RHBDD1: variants seen among roughly 807,000 people sequenced by gnomAD.
RHBDD1 encodes rhomboid-related protein 4.
In RHBDD1, 38 loss-of-function variants were observed where a neutral mutation model predicts 36.3. The observed-to-expected ratio is 1.05, with a 90% CI of 0.81 to 1.37. The LOEUF is 1.37. RHBDD1 is among the 40% of genes most tolerant of loss of function. The pLI, the probability that RHBDD1 is intolerant of heterozygous loss-of-function variation, is 0.00. For missense variants in RHBDD1, 393 were observed against 377.6 expected, an observed-to-expected ratio of 1.04 and a Z score of -0.34; for synonymous variants, 151 against 136.5, an observed-to-expected ratio of 1.11 and a Z score of -0.74.
chr2:226,857,112 T>C (rs990140297), intron 3 of RHBDD1, among the ~76,000 whole-genome samples: 1 of 152,102 alleles, frequency 6.6e-6, no homozygotes, highest in Non-Finnish European at 1.5e-5. Context: ...TGTGTGTGTG[T>C]GTGTTTGGGT....
At chr2:226,856,313 A>G (rs145175045) in intron 3 of RHBDD1, among the ~76,000 whole-genome samples, 236 of 152,282 alleles carry the variant, frequency 1.5e-3, no homozygotes, top group African/African-American at 5.3e-3. Flanking sequence ...CAGTTAATAA[A>G]TTCGTGTTTT....
chr2:226,963,643 C>T (rs1952395902), intron 8 of RHBDD1, among the ~76,000 whole-genome samples: 1 of 152,154 alleles, frequency 6.6e-6, no homozygotes, highest in Non-Finnish European at 1.5e-5. Flanking sequence ...CATGCCCTTG[C>T]TTCTCACCCT....
rs1959177896 is a variant in RHBDD1, at chr2:226,995,597, AT to A, written c.*79del. Reference sequence around the variant, plus strand: ...GGCTCATTCCCCAAGCCCCTAATTCATTTTAATTCATTTTAAACAAAAGCAG... The same window carrying A: ...GGCTCATTCCCCAAGCCCCTAATTCATTTAATTCATTTTAAACAAAAGCAG... On this transcript the variant is annotated 3_prime_UTR_variant, in exon 9 of 9. Transcript: ENST00000392062. 1.0e-6 allele frequency: 1 copy of A among 970,508 alleles called. No homozygotes were observed. The highest frequency in any genetic ancestry group is 2.1e-5 in the Admixed American group (1 of 48,220). 60.1% of individuals were successfully genotyped at this position (970,508 alleles called of 1,614,324 possible).
intron 5 of RHBDD1, 51 bp from the exon 6 acceptor site, chr2:226,906,740 GTC>G: frequency 6.2e-7 from 1 of 1,613,626 alleles, no homozygotes; most frequent in Non-Finnish European, 8.5e-7. Context: ...AAGACAGAAT[GTC>G]TCTAATCAGC....
At chr2:226,907,706 G>T (rs1948166840) in intron 6 of RHBDD1, among the ~76,000 whole-genome samples, 1 of 152,118 alleles carries the variant, frequency 6.6e-6, no homozygotes, top group South Asian at 2.1e-4. Flanking sequence ...CACTGCACTG[G>T]CACCTTTATT....
At chr2:226,896,811 A>T (rs567377801) in intron 5 of RHBDD1, among the ~76,000 whole-genome samples, 86 of 150,488 alleles carry the variant, frequency 5.7e-4, no homozygotes, top group African/African-American at 2.0e-3. Context: ...TATCTCAAAA[A>T]TTTTTTTTTT....
At chr2:226,930,291 T>G (rs1949944353) in intron 8 of RHBDD1, among the ~76,000 whole-genome samples, 1 of 152,112 alleles carries the variant, frequency 6.6e-6, no homozygotes. Context: ...AACAGCATGG[T>G]ACTGCTGTAA....
intron 8 of RHBDD1, among the ~76,000 whole-genome samples, chr2:226,941,389 C>A (rs945491984): frequency 1.3e-5 from 2 of 152,210 alleles, no homozygotes; most frequent in African/African-American, 4.8e-5. Context: ...TTCCTGCTGG[C>A]AGGGGCAAGT....
intron 3 of RHBDD1, among the ~76,000 whole-genome samples, chr2:226,858,278 C>A (rs1943524690): frequency 6.6e-6 from 1 of 152,138 alleles, no homozygotes; most frequent in Non-Finnish European, 1.5e-5. Flanking sequence ...ATTAATATAT[C>A]TCAATTATAT....
chr2:226,984,755 G>T (rs573582719), intron 8 of RHBDD1, among the ~76,000 whole-genome samples: 95 of 152,214 alleles, frequency 6.2e-4, no homozygotes, highest in African/African-American at 2.3e-3. Context: ...TATAAGCCCT[G>T]GTCTTGTACA....
chr2:226,981,289 G>A (rs968952199), intron 8 of RHBDD1, among the ~76,000 whole-genome samples: 6 of 152,034 alleles, frequency 3.9e-5, no homozygotes, highest in African/African-American at 7.2e-5. Flanking sequence ...TGGGTGCAGC[G>A]GGCCAGCATG....
At chr2:226,819,989 T>G in the RHBDD1 span, among the ~76,000 whole-genome samples, 2 of 151,568 alleles carry the variant, frequency 1.3e-5, no homozygotes, top group African/African-American at 4.8e-5. Flanking sequence ...TTTTTTTTTT[T>G]TTTTTTTTCT....
At chr2:226,887,344 T>C (rs2125455469) in intron 5 of RHBDD1, among the ~76,000 whole-genome samples, 1 of 152,348 alleles carries the variant, frequency 6.6e-6, no homozygotes, top group South Asian at 2.1e-4. Context: ...TTTCATTCAA[T>C]GAGTTCTTAC....
chr2:226,977,151 C>T (rs1299798476), intron 8 of RHBDD1, among the ~76,000 whole-genome samples: 2 of 152,180 alleles, frequency 1.3e-5, no homozygotes, highest in Non-Finnish European at 2.9e-5. Context: ...AAATGAGGAA[C>T]TTGAGGCCCA....
intron 8 of RHBDD1, among the ~76,000 whole-genome samples, chr2:226,941,578 G>C (rs756192914): frequency 6.6e-5 from 10 of 152,212 alleles, no homozygotes; most frequent in Non-Finnish European, 1.0e-4. Flanking sequence ...TAGTCCCAAG[G>C]TGGACCATGC....
intron 8 of RHBDD1, among the ~76,000 whole-genome samples, chr2:226,946,170 A>C (rs533163868): frequency 6.6e-6 from 1 of 152,138 alleles, no homozygotes. Context: ...CCGTTTGTCA[A>C]TTGTGGCTTT....
At chr2:226,810,326 G>A in the RHBDD1 span, among the ~76,000 whole-genome samples, 949 of 152,082 alleles carry the variant, frequency 6.2e-3, 8 homozygotes, top group African/African-American at 0.022. Context: ...GAACACCTAA[G>A]GTCAGGAATT....
chr2:226,860,324 A>G (rs1943734000), intron 3 of RHBDD1, among the ~76,000 whole-genome samples: 1 of 152,084 alleles, frequency 6.6e-6, no homozygotes, highest in African/African-American at 2.4e-5. Context: ...AAGTTAGAAT[A>G]ATACATAAAC....
At chr2:226,923,420 C>A (rs1002123395) in intron 8 of RHBDD1, among the ~76,000 whole-genome samples, 3 of 152,008 alleles carry the variant, frequency 2.0e-5, no homozygotes, top group African/African-American at 4.8e-5. Context: ...TTATTTGTTT[C>A]TTTTCTCTTG....
Sources: allele counts gnomAD v4.1 joint callset (sites outside exome capture counted in the v4.1 genomes callset), GRCh38; gene constraint gnomAD v4.1.1; transcripts MANE v1.5; gene names NCBI Gene and HGNC (gene_info 2026-07-23, HGNC 2026-07-21).